The following NYAP2 variants were observed in gnomAD, a reference collection of about 807,000 sequenced individuals.
NYAP2 encodes the protein neuronal tyrosine-phosphorylated phosphoinositide-3-kinase adapter 2.
Under a neutral mutation model 50.4 loss-of-function variants are expected in NYAP2, and 23 were observed. The observed-to-expected ratio is 0.46, with a 90% CI of 0.33 to 0.65. NYAP2 has a LOEUF of 0.65. NYAP2 is among the 30% of genes least tolerant of loss of function. NYAP2 has a pLI of 0.02. For synonymous variants in NYAP2, 394 were observed against 365.2 expected (o/e 1.08, Z -0.90); for missense variants, 885 against 861.0 (o/e 1.03, Z -0.35).
chr2:225,648,833 A>G (rs1345322804), intron 6 of NYAP2, among the ~76,000 whole-genome samples: 1 of 152,154 alleles, frequency 6.6e-6, no homozygotes, highest in Non-Finnish European at 1.5e-5. Context: ...AGCTATGGGA[A>G]CCTGCATTTG....
intron 3 of NYAP2, among the ~76,000 whole-genome samples, chr2:225,432,461 A>G (rs989445940): frequency 1.3e-5 from 2 of 149,884 alleles, no homozygotes; most frequent in Non-Finnish European, 3.0e-5. Flanking sequence ...TATATCTATT[A>G]TATAGCTATA....
At chr2:225,583,325 G>T (rs1394260372) in intron 5 of NYAP2, among the ~76,000 whole-genome samples, 1 of 152,158 alleles carries the variant, frequency 6.6e-6, no homozygotes, top group Non-Finnish European at 1.5e-5. Context: ...GTCCTGGAAA[G>T]TTGAACAGTG....
At chr2:225,460,983 ACT>A (rs1471645723) in intron 3 of NYAP2, among the ~76,000 whole-genome samples, 1 of 126,822 alleles carries the variant, frequency 7.9e-6, no homozygotes, top group African/African-American at 3.3e-5. Flanking sequence ...ACAGAGCGAG[ACT>A]CTGTCTCAAA....
At chr2:225,566,720 T>C (rs1691968863) in intron 4 of NYAP2, among the ~76,000 whole-genome samples, 1 of 152,214 alleles carries the variant, frequency 6.6e-6, no homozygotes, top group Non-Finnish European at 1.5e-5. Context: ...GCTGATGGCT[T>C]CAAAATATTT....
the NYAP2 span, among the ~76,000 whole-genome samples, chr2:225,660,413 G>A: frequency 0.022 from 3,341 of 149,156 alleles, 133 homozygotes; most frequent in African/African-American, 0.077. Flanking sequence ...CTAGGGTCGG[G>A]ACAGCAGGTA....
chr2:225,414,564 T>C (rs1695093408), intron 3 of NYAP2, among the ~76,000 whole-genome samples: 1 of 152,032 alleles, frequency 6.6e-6, no homozygotes, highest in African/African-American at 2.4e-5. Flanking sequence ...TAGTCGTGTA[T>C]TGAACCATTG....
At chr2:225,473,323 C>A (rs1328262768) in intron 3 of NYAP2, among the ~76,000 whole-genome samples, 1 of 152,172 alleles carries the variant, frequency 6.6e-6, no homozygotes, top group African/African-American at 2.4e-5. Flanking sequence ...GGTATATACC[C>A]AGTAATGGGA....
intron 4 of NYAP2, among the ~76,000 whole-genome samples, chr2:225,580,130 G>A (rs2106227948): frequency 6.6e-6 from 1 of 152,220 alleles, no homozygotes; most frequent in East Asian, 1.9e-4. Context: ...TGCTGTTGAG[G>A]GTGGCAGGAA....
intron 3 of NYAP2, 77 bp downstream of exon 3, chr2:225,409,178 C>T: frequency 9.1e-7 from 1 of 1,098,588 alleles, no homozygotes; most frequent in Non-Finnish European, 1.3e-6. Flanking sequence ...GTGATGTTGT[C>T]ACTTGGTCAG....
chr2:225,443,692 T>A (rs141249917), intron 3 of NYAP2, among the ~76,000 whole-genome samples: 1 of 152,248 alleles, frequency 6.6e-6, no homozygotes, highest in Non-Finnish European at 1.5e-5. Flanking sequence ...AAACTACATC[T>A]GTATTAACCA....
At chr2:225,665,616 C>T in the NYAP2 span, among the ~76,000 whole-genome samples, 1 of 150,404 alleles carries the variant, frequency 6.6e-6, no homozygotes, top group Admixed American at 6.6e-5. Context: ...GGAGACCAGC[C>T]TGACCAACAT....
At chr2:225,450,855 T>C (rs1264449899) in intron 3 of NYAP2, among the ~76,000 whole-genome samples, 1 of 152,210 alleles carries the variant, frequency 6.6e-6, no homozygotes, top group East Asian at 1.9e-4. Flanking sequence ...ACAGTCCTGA[T>C]GGCCCTGCCT....
At chr2:225,642,756 T>C (rs1181811298) in intron 6 of NYAP2, among the ~76,000 whole-genome samples, 1 of 152,160 alleles carries the variant, frequency 6.6e-6, no homozygotes, top group Non-Finnish European at 1.5e-5. Flanking sequence ...TAACTGGTGA[T>C]ACTGTTCTCT....
intron 3 of NYAP2, among the ~76,000 whole-genome samples, chr2:225,459,786 G>A (rs1689795474): frequency 6.6e-6 from 1 of 152,030 alleles, no homozygotes; most frequent in South Asian, 2.1e-4. Flanking sequence ...TGGGACTACA[G>A]CTCAGCCTCC....
At chr2:225,426,526 T>G (rs1275336223) in intron 3 of NYAP2, among the ~76,000 whole-genome samples, 2 of 152,188 alleles carry the variant, frequency 1.3e-5, no homozygotes, top group Non-Finnish European at 2.9e-5. Flanking sequence ...ATTCAATGAT[T>G]GATATCCTGA....
intron 6 of NYAP2, among the ~76,000 whole-genome samples, chr2:225,635,659 T>G (rs1693401401): frequency 6.6e-6 from 1 of 152,218 alleles, no homozygotes; most frequent in Non-Finnish European, 1.5e-5. Context: ...CAATGTATGC[T>G]TCATTGACTT....
chr2:225,616,085 C>T (rs995702166), intron 5 of NYAP2, among the ~76,000 whole-genome samples: 18 of 152,110 alleles, frequency 1.2e-4, no homozygotes, highest in African/African-American at 4.3e-4. Context: ...TTTGCATATT[C>T]CACTTGATTC....
At chr2:225,458,281 G>A (rs972029791) in intron 3 of NYAP2, among the ~76,000 whole-genome samples, 3 of 152,144 alleles carry the variant, frequency 2.0e-5, no homozygotes, top group Admixed American at 1.3e-4. Flanking sequence ...GAGTGGGGAG[G>A]TTGAGGCTGA....
chr2:225,480,110 AT>A (rs1690180670), intron 3 of NYAP2, among the ~76,000 whole-genome samples: 1 of 152,092 alleles, frequency 6.6e-6, no homozygotes, highest in Admixed American at 6.5e-5. Flanking sequence ...AATGTAGACA[AT>A]TGTTTCTGGC....
Sources: gnomAD v4.1 joint callset for allele counts (sites outside exome capture counted in the v4.1 genomes callset) on GRCh38, gnomAD v4.1.1 for gene constraint, MANE v1.5 for transcripts, NCBI Gene and HGNC (gene_info 2026-07-23, HGNC 2026-07-21) for gene names.